STX18: variants seen among roughly 807,000 people sequenced by gnomAD.
STX18 encodes syntaxin-18.
STX18 carries 40 observed loss-of-function variants against 50.1 expected under a neutral mutation model. The observed-to-expected ratio is 0.80, with a 90% CI of 0.62 to 1.04. The LOEUF is 1.04. Among genes scored for constraint, STX18 ranks in the 50% least tolerant of loss-of-function variants. The pLI is 0.00. For missense variants in STX18, 410 were observed against 415.8 expected (o/e 0.99, Z 0.12); for synonymous variants, 158 against 151.8 (o/e 1.04, Z -0.30).
intron 1 of STX18, among the ~76,000 whole-genome samples, chr4:4,528,768 C>T (rs1488260343): frequency 6.6e-6 from 1 of 152,204 alleles, no homozygotes; most frequent in Admixed American, 6.5e-5. Context: ...AGGGCCCTTC[C>T]CTGGGAGAAG....
intron 1 of STX18, among the ~76,000 whole-genome samples, chr4:4,484,083 T>C (rs111335005): frequency 5.9e-4 from 90 of 152,186 alleles, no homozygotes; most frequent in East Asian, 1.2e-3. Flanking sequence ...AGGATGGTCT[T>C]GATCTCCTGA....
intron 5 of STX18, among the ~76,000 whole-genome samples, chr4:4,443,809 T>C (rs965972670): frequency 2.6e-5 from 4 of 152,178 alleles, no homozygotes; most frequent in Non-Finnish European, 2.9e-5. Context: ...GCATTAGATG[T>C]AGAAAAAGCA....
intron 3 of STX18, among the ~76,000 whole-genome samples, chr4:4,458,834 G>T (rs1727216375): frequency 6.6e-6 from 1 of 152,152 alleles, no homozygotes; most frequent in South Asian, 2.1e-4. Context: ...ATATGGCTCG[G>T]ACGGGTGGAG....
At chr4:4,493,557 C>G (rs531785901) in intron 1 of STX18, among the ~76,000 whole-genome samples, 1 of 152,252 alleles carries the variant, frequency 6.6e-6, no homozygotes, top group South Asian at 2.1e-4. Flanking sequence ...TCAAATGACG[C>G]ATCTTATTAT....
intron 5 of STX18, among the ~76,000 whole-genome samples, chr4:4,441,539 C>G (rs184295365): frequency 6.6e-6 from 1 of 152,102 alleles, no homozygotes; most frequent in African/African-American, 2.4e-5. Flanking sequence ...AAAAAACTAA[C>G]AATATCAACA....
At chr4:4,429,093 A>G (rs35869047) in intron 7 of STX18, among the ~76,000 whole-genome samples, 6,885 of 152,260 alleles carry the variant, frequency 0.045, 179 homozygotes, top group African/African-American at 0.057. Flanking sequence ...CATGTTGAAC[A>G]GCCTAGGACT....
At chr4:4,442,135 G>C (rs1299377816) in intron 5 of STX18, among the ~76,000 whole-genome samples, 1 of 152,032 alleles carries the variant, frequency 6.6e-6, no homozygotes, top group Non-Finnish European at 1.5e-5. Context: ...CCAATGAATA[G>C]GATATAAAAT....
intron 7 of STX18, among the ~76,000 whole-genome samples, chr4:4,430,302 C>G (rs1725457133): frequency 6.6e-6 from 1 of 152,146 alleles, no homozygotes; most frequent in African/African-American, 2.4e-5. Context: ...CAATATTTTC[C>G]AATTTAAAAC....
intron 6 of STX18, among the ~76,000 whole-genome samples, chr4:4,438,080 C>A (rs1045866700): frequency 7.2e-5 from 11 of 152,320 alleles, no homozygotes; most frequent in African/African-American, 2.6e-4. Flanking sequence ...GCCAGGGAGG[C>A]AATGCTGCCT....
At chr4:4,448,870 G>A (rs987045943) in intron 5 of STX18, among the ~76,000 whole-genome samples, 15 of 152,024 alleles carry the variant, frequency 9.9e-5, no homozygotes, top group African/African-American at 3.4e-4. Context: ...ACACCACAGG[G>A]TTCATTCTGG....
intron 2 of STX18, among the ~76,000 whole-genome samples, chr4:4,467,269 C>A (rs1399551761): frequency 6.6e-6 from 1 of 152,050 alleles, no homozygotes; most frequent in Non-Finnish European, 1.5e-5. Context: ...CGTTTGTTTC[C>A]AAGAGGGGCT....
At chr4:4,479,152 T>C (rs1728339601) in intron 1 of STX18, among the ~76,000 whole-genome samples, 1 of 152,198 alleles carries the variant, frequency 6.6e-6, no homozygotes, top group Non-Finnish European at 1.5e-5. Context: ...GAGTACTACA[T>C]ACTATACGGC....
At chr4:4,479,405 G>C (rs1260219859) in intron 1 of STX18, among the ~76,000 whole-genome samples, 1 of 152,122 alleles carries the variant, frequency 6.6e-6, no homozygotes, top group African/African-American at 2.4e-5. Context: ...GTACAATTAA[G>C]TCACTGCAGG....
intron 1 of STX18, among the ~76,000 whole-genome samples, chr4:4,501,776 T>C (rs1362034438): frequency 1.3e-5 from 2 of 152,224 alleles, no homozygotes; most frequent in East Asian, 3.8e-4. Flanking sequence ...CATACTGTTT[T>C]ATAAAAAGAA....
chr4:4,421,224 G>C (rs1008619895), intron 9 of STX18, among the ~76,000 whole-genome samples: 1 of 152,074 alleles, frequency 6.6e-6, no homozygotes, highest in African/African-American at 2.4e-5. Flanking sequence ...CCAAGAAGTA[G>C]GTATTACCTC....
intron 1 of STX18, among the ~76,000 whole-genome samples, chr4:4,522,622 T>C (rs923005834): frequency 1.2e-4 from 19 of 152,228 alleles, no homozygotes; most frequent in Non-Finnish European, 2.4e-4. Context: ...TCCAGAACTT[T>C]AGGAATAATT....
chr4:4,505,253 T>C (rs1323821947), intron 1 of STX18, among the ~76,000 whole-genome samples: 1 of 152,214 alleles, frequency 6.6e-6, no homozygotes, highest in Non-Finnish European at 1.5e-5. Flanking sequence ...ACACCTAACC[T>C]ACCAAACATC....
intron 1 of STX18, among the ~76,000 whole-genome samples, chr4:4,515,407 G>C (rs1400063071): frequency 6.6e-6 from 1 of 152,100 alleles, no homozygotes; most frequent in Non-Finnish European, 1.5e-5. Flanking sequence ...AGAAAAACTT[G>C]AATAGCCAAG....
At chr4:4,515,071 C>A (rs1199886630) in intron 1 of STX18, among the ~76,000 whole-genome samples, 1 of 152,124 alleles carries the variant, frequency 6.6e-6, no homozygotes, top group Admixed American at 6.5e-5. Flanking sequence ...CCATATAATT[C>A]TCAGAAAGTA....
Sources: allele counts gnomAD v4.1 joint callset (sites outside exome capture counted in the v4.1 genomes callset), GRCh38; gene constraint gnomAD v4.1.1; transcripts MANE v1.5; gene names NCBI Gene and HGNC (gene_info 2026-07-23, HGNC 2026-07-21).